Variants in PEMT observed in about 807,000 individuals in gnomAD.
PEMT encodes phosphatidylethanolamine N-methyltransferase.
PEMT carries 23 observed loss-of-function variants against 27.4 expected under a neutral mutation model. The ratio of observed to expected loss-of-function variants is 0.84; its 90% CI spans 0.60 to 1.19. The LOEUF (loss-of-function observed/expected upper bound fraction) is 1.19, where lower values mean the gene tolerates loss of function less well. PEMT is among the 50% of genes most tolerant of loss of function. The pLI, the probability that PEMT is intolerant of heterozygous loss-of-function variation, is 0.00. For missense variants in PEMT, 307 were observed against 310.1 expected (o/e 0.99, Z 0.07); for synonymous variants, 137 against 139.1 (o/e 0.98, Z 0.11).
chr17:17,586,260 G>GAAAGAAATAAAT (rs1555546166), intron 1 of PEMT, among the ~76,000 whole-genome samples: 1 of 107,366 alleles, frequency 9.3e-6, no homozygotes, highest in Non-Finnish European at 1.8e-5. Context: ...AAGAAAGAAA[G>GAAAGAAATAAAT]AAAGAAAGAA....
intron 2 of PEMT, among the ~76,000 whole-genome samples, chr17:17,541,693 G>A (rs746217207): frequency 2.0e-5 from 3 of 152,244 alleles, no homozygotes; most frequent in Non-Finnish European, 2.9e-5. Context: ...TCCAGGAAAG[G>A]ATTCTGAGCT....
At chr17:17,591,882 CAGCTACGTAGCA>C, upstream of PEMT, 1 of 985,500 alleles carries the variant, frequency 1.0e-6, no homozygotes, top group East Asian at 1.1e-4. Flanking sequence ...GGTTCCGCTG[CAGCTACGTAGCA>C]GTATCCCCTT....
rs1183981136 is a variant in PEMT, at chr17:17,577,019, G to C, written c.105C>G (p.Phe35Leu). ...LGNIDFRQAD[F>L]CVMTRLLGYV... ...AGCCCAGCAGCCGGGTCATAACGCA[G>C]AAGTCTGCCTGCAGGGACAGAGCTA... is the stretch of plus-strand genomic sequence containing the variant. Residue 35 changes from phenylalanine to leucine, a missense_variant, in exon 2 of 7, where the codon TTC (phenylalanine) becomes TTG (leucine). Physicochemically the swap from Phe to Leu is conservative, Grantham distance 22 (BLOSUM62 0). Transcript: ENST00000255389. 6.2e-7 allele frequency: 1 copy of C among 1,613,566 alleles called. No individual in the cohort carries two copies. Among genetic ancestry groups the C allele is most frequent in the Non-Finnish European group, 8.5e-7 (1 of 1,179,616 alleles).
intron 2 of PEMT, among the ~76,000 whole-genome samples, chr17:17,552,517 T>C (rs1423973825): frequency 2.0e-5 from 3 of 152,164 alleles, no homozygotes; most frequent in Non-Finnish European, 4.4e-5. Context: ...GGTGAGACGC[T>C]GCTCCTCACC....
chr17:17,547,261 G>A (rs981305991), intron 2 of PEMT, among the ~76,000 whole-genome samples: 29 of 152,202 alleles, frequency 1.9e-4, no homozygotes, highest in South Asian at 1.5e-3. Context: ...CAGAGCTCCC[G>A]ACCCCTCTCC....
At chr17:17,534,459 G>C (rs553208098) in intron 2 of PEMT, among the ~76,000 whole-genome samples, 1 of 152,340 alleles carries the variant, frequency 6.6e-6, no homozygotes, top group Admixed American at 6.5e-5. Context: ...GGGCTGGGGG[G>C]ATCTCAAAGG....
intron 4 of PEMT, 61 bp from the exon 5 acceptor site, chr17:17,509,606 G>T: frequency 8.5e-7 from 1 of 1,180,398 alleles, no homozygotes; most frequent in Non-Finnish European, 1.3e-6. Context: ...CACCATCACT[G>T]AGGGAGGCCC....
rs979883622 is a variant in PEMT, at chr17:17,523,684, C to T, written c.205-1289G>A. Among the ~76,000 whole-genome samples, 1 of 151,598 alleles carries T rather than the reference C, an allele frequency of 6.6e-6. No homozygotes were observed. Among genetic ancestry groups the T allele is most frequent in the Non-Finnish European group, 1.5e-5 (1 of 67,926 alleles). On this transcript the variant is annotated intron_variant, in intron 2 of 6. Coordinates refer to ENST00000255389, the MANE Select transcript of PEMT (RefSeq NM_148172.3). This position sits in a 1 kb window ranked among gnomAD's most constrained non-coding sequence, Gnocchi z 4.8. ...AAGCTCAAAAGGCGGAAGGAATAAG[C>T]GCTGCAGGGGTGAGGAGGGGGCTGC...
Position 17,523,643 on chromosome 17 carries a change from C to T in PEMT, c.205-1248G>A, listed in dbSNP as rs758190892. 6.6e-6 allele frequency among the ~76,000 whole-genome samples: 1 copy of T among 152,104 alleles called. No individual in the cohort carries two copies. The highest frequency in any genetic ancestry group is 1.5e-5 in the Non-Finnish European group (1 of 68,028). ...TAGTCCAGGTCTCAGCAGGTGGCCGCTGCTGACTCTGTGGGAAGCTCAAAA... is the reference window on the plus strand; with the variant it reads ...TAGTCCAGGTCTCAGCAGGTGGCCGTTGCTGACTCTGTGGGAAGCTCAAAA... On this transcript the variant is annotated intron_variant, in intron 2 of 6. Transcript: ENST00000255389. The surrounding 1 kb of genome is among the most constrained non-coding windows in gnomAD (Gnocchi z 4.8).
At chr17:17,589,783 A>G (rs1257352880) in intron 1 of PEMT, among the ~76,000 whole-genome samples, 1 of 152,200 alleles carries the variant, frequency 6.6e-6, no homozygotes. Context: ...TTCTTTCTTT[A>G]AGAAAAATCC....
chr17:17,511,463 T>C (rs1041478924), intron 4 of PEMT, among the ~76,000 whole-genome samples: 2 of 152,194 alleles, frequency 1.3e-5, no homozygotes, highest in Non-Finnish European at 2.9e-5. Context: ...CCTTGAGAAC[T>C]TGGAGTGCCC....
intron 2 of PEMT, among the ~76,000 whole-genome samples, chr17:17,576,363 T>C (rs1911588253): frequency 6.6e-6 from 1 of 152,178 alleles, no homozygotes; most frequent in Non-Finnish European, 1.5e-5. Context: ...CACGAGCTGG[T>C]GCCACGCTGG....
intron 1 of PEMT, among the ~76,000 whole-genome samples, chr17:17,577,783 CGAG>C (rs920802729): frequency 6.6e-6 from 1 of 151,942 alleles, no homozygotes; most frequent in African/African-American, 2.4e-5. Context: ...TTTGGGAGGC[CGAG>C]GCGGGCGGAT....
intron 2 of PEMT, among the ~76,000 whole-genome samples, chr17:17,559,277 C>G (rs1022812493): frequency 6.6e-6 from 1 of 152,192 alleles, no homozygotes; most frequent in South Asian, 2.1e-4. Flanking sequence ...AGGAACACTA[C>G]GTTAGGACTT....
At chr17:17,543,237 C>A (rs1236492733) in intron 2 of PEMT, among the ~76,000 whole-genome samples, 1 of 152,268 alleles carries the variant, frequency 6.6e-6, no homozygotes, top group Non-Finnish European at 1.5e-5. Flanking sequence ...CCAGGGCGTT[C>A]TTCCCAAGTG....
At chr17:17,573,475 A>AG (rs1325748460) in intron 2 of PEMT, among the ~76,000 whole-genome samples, 1 of 152,078 alleles carries the variant, frequency 6.6e-6, no homozygotes, top group East Asian at 1.9e-4. Flanking sequence ...TCAAAAAAAA[A>AG]AAAAAAGAAA....
Position 17,512,463 on chromosome 17 carries a change from G to A in PEMT, c.466+46C>T. On this transcript the variant is annotated intron_variant, in intron 4 of 6. Transcript: ENST00000255389. This position sits in a 1 kb window ranked among gnomAD's most constrained non-coding sequence, Gnocchi z 6.3. Reference sequence around the variant, plus strand: ...CCACCTGGCCCTGCACCTCCCTGGGGCTCCAGCGGTCCTGCTCAGGGTCAC... The same window carrying A: ...CCACCTGGCCCTGCACCTCCCTGGGACTCCAGCGGTCCTGCTCAGGGTCAC... 2 of 1,460,292 alleles carry A rather than the reference G, an allele frequency of 1.4e-6. No homozygotes were observed. The highest frequency in any genetic ancestry group is 2.6e-5 in the East Asian group (1 of 38,818). The allele number at this position is 1,460,292 out of a possible 1,614,324, so 90.5% of individuals were successfully genotyped here. A position where few individuals can be genotyped will look rare whatever the true frequency, so the allele number is the denominator to read the frequency against.
At chr17:17,555,879 C>T (rs559836267) in intron 2 of PEMT, among the ~76,000 whole-genome samples, 1 of 152,318 alleles carries the variant, frequency 6.6e-6, no homozygotes, top group Non-Finnish European at 1.5e-5. Flanking sequence ...GAGGGGGATG[C>T]GTGGGTCCCT....
chr17:17,552,655 C>T (rs560579121), intron 2 of PEMT, among the ~76,000 whole-genome samples: 1 of 152,250 alleles, frequency 6.6e-6, no homozygotes, highest in East Asian at 1.9e-4. Context: ...GGAGATGCCC[C>T]TCTCATGGAA....
Sources: gnomAD v4.1 joint callset for allele counts (sites outside exome capture counted in the v4.1 genomes callset) on GRCh38, gnomAD v4.1.1 for gene constraint, Gnocchi (gnomAD v3.1) non-coding constraint, MANE v1.5 for transcripts, NCBI Gene and HGNC (gene_info 2026-07-23, HGNC 2026-07-21) for gene names.